KCNH1: variants seen among roughly 807,000 people sequenced by gnomAD.
KCNH1 encodes potassium voltage-gated channel subfamily H member 1, also known as voltage-gated delayed rectifier potassium channel KCNH1.
A neutral mutation model predicts 69.2 loss-of-function variants in KCNH1; 27 were observed. The observed-to-expected ratio is 0.39, with a 90% CI of 0.29 to 0.54. The LOEUF (loss-of-function observed/expected upper bound fraction) is 0.54, where lower values mean the gene tolerates loss of function less well. KCNH1 is among the 20% of genes least tolerant of loss of function. The probability of loss-of-function intolerance (pLI) is 0.68; values close to 1 mark genes in which losing one functional copy is unlikely to be tolerated. For synonymous variants in KCNH1, 456 were observed against 487.7 expected (o/e 0.93, Z 0.86); for missense variants, 798 against 1,261.6 (o/e 0.63, Z 5.57).
chr1:210,886,810 A>G (rs1686619141), intron 7 of KCNH1, among the ~76,000 whole-genome samples: 1 of 152,146 alleles, frequency 6.6e-6, no homozygotes, highest in South Asian at 2.1e-4. Context: ...ATTGAAGATC[A>G]ACTTAATGAA....
intron 7 of KCNH1, among the ~76,000 whole-genome samples, chr1:210,816,805 A>G (rs945612489): frequency 3.3e-5 from 5 of 152,232 alleles, no homozygotes; most frequent in Non-Finnish European, 7.3e-5. Flanking sequence ...AGTTACAGCT[A>G]CTTTTAAGTT....
chr1:210,832,921 T>TATATATATAC (rs10693882), intron 7 of KCNH1, among the ~76,000 whole-genome samples: 37,605 of 144,112 alleles, frequency 0.26, 6,397 homozygotes, highest in East Asian at 0.42. Context: ...TATATATATA[T>TATATATATAC]ACATATAAAT....
intron 10 of KCNH1, among the ~76,000 whole-genome samples, chr1:210,748,987 T>C (rs1683223335): frequency 6.6e-6 from 1 of 152,218 alleles, no homozygotes; most frequent in Non-Finnish European, 1.5e-5. Flanking sequence ...CCCTGTCCAC[T>C]TGGCTCTGCT....
At chr1:210,791,489 C>T (rs1453866534) in intron 9 of KCNH1, among the ~76,000 whole-genome samples, 1 of 152,140 alleles carries the variant, frequency 6.6e-6, no homozygotes, top group African/African-American at 2.4e-5. Flanking sequence ...CATGCTGGTC[C>T]CTGAACATGC....
chr1:211,094,523 T>A (rs187616129), intron 3 of KCNH1, among the ~76,000 whole-genome samples: 1 of 152,318 alleles, frequency 6.6e-6, no homozygotes, highest in Non-Finnish European at 1.5e-5. Flanking sequence ...TTTAAATAGA[T>A]CATAATACAC....
intron 5 of KCNH1, among the ~76,000 whole-genome samples, chr1:211,029,334 T>TAAAAAAAAAA (rs58241322): frequency 8.6e-5 from 2 of 23,146 alleles, no homozygotes; most frequent in Non-Finnish European, 1.4e-4. Context: ...TCCTGTCACT[T>TAAAAAAAAAA]AAAAAAAAAA....
intron 7 of KCNH1, among the ~76,000 whole-genome samples, chr1:210,913,861 C>A (rs1300953341): frequency 6.6e-6 from 1 of 152,144 alleles, no homozygotes; most frequent in Admixed American, 6.5e-5. Flanking sequence ...CCCAGTGTGG[C>A]TAGGTTACCA....
chr1:211,058,967 T>C (rs1322800359), intron 5 of KCNH1, among the ~76,000 whole-genome samples: 1 of 152,140 alleles, frequency 6.6e-6, no homozygotes, highest in East Asian at 1.9e-4. Context: ...TAAATAGATT[T>C]CAAGACAAAA....
intron 10 of KCNH1, among the ~76,000 whole-genome samples, chr1:210,744,766 T>C (rs1203546047): frequency 3.9e-5 from 6 of 152,120 alleles, no homozygotes; most frequent in African/African-American, 1.2e-4. Flanking sequence ...GAACCACACA[T>C]TGAAAAATAT....
chr1:210,773,445 C>G (rs1385834657), intron 10 of KCNH1, among the ~76,000 whole-genome samples: 1 of 152,202 alleles, frequency 6.6e-6, no homozygotes, highest in African/African-American at 2.4e-5. Flanking sequence ...GCACCAAGCC[C>G]TTGCCTTCTC....
intron 6 of KCNH1, among the ~76,000 whole-genome samples, chr1:210,976,537 C>T (rs1574373337): frequency 7.0e-6 from 1 of 143,788 alleles, no homozygotes; most frequent in East Asian, 2.2e-4. Context: ...TTGCGGAAGT[C>T]AGTGTGGCGA....
In KCNH1 at chr1:210,875,574, G is replaced by A. The variant is rs563618973; in HGVS notation, c.1462+44066C>T. Reference sequence around the variant, plus strand: ...TCCCAGCACTTTGGGAGGCCAAGGCGGGCGGATCACTTGAGATCAGGAGTT... The same window carrying A: ...TCCCAGCACTTTGGGAGGCCAAGGCAGGCGGATCACTTGAGATCAGGAGTT... On this transcript the variant is annotated intron_variant, in intron 7 of 10. Coordinates refer to ENST00000271751, the MANE Select transcript of KCNH1 (RefSeq NM_172362.3). Among the ~76,000 whole-genome samples the A allele has an allele frequency of 1.6e-3, 249 of 152,206 alleles. 2 individuals carry two copies. Among genetic ancestry groups the A allele is most frequent in the Middle Eastern group, 0.01 (3 of 294 alleles).
At chr1:210,684,238 GTC>G (rs1250771447) in intron 10 of KCNH1, 100 bp from the exon 11 acceptor site, 1 of 1,275,408 alleles carries the variant, frequency 7.8e-7, no homozygotes, top group Non-Finnish European at 1.0e-6. Context: ...TCTGCTTCCA[GTC>G]CACCTGCCAC....
intron 5 of KCNH1, among the ~76,000 whole-genome samples, chr1:211,036,588 T>A (rs1689902856): frequency 6.6e-6 from 1 of 152,154 alleles, no homozygotes; most frequent in Non-Finnish European, 1.5e-5. Flanking sequence ...TGAGTCACAA[T>A]GCATAGGATA....
chr1:210,755,555 T>C (rs1683381211), intron 10 of KCNH1, among the ~76,000 whole-genome samples: 1 of 152,250 alleles, frequency 6.6e-6, no homozygotes, highest in Non-Finnish European at 1.5e-5. Context: ...ATGCAAGCCC[T>C]TCCCTGGGTT....
intron 1 of KCNH1, among the ~76,000 whole-genome samples, chr1:211,108,880 A>C (rs1343232714): frequency 6.6e-6 from 1 of 152,208 alleles, no homozygotes; most frequent in Non-Finnish European, 1.5e-5. Flanking sequence ...AACAGGTGCC[A>C]AGCACAATGC....
At chr1:210,911,299 A>G (rs1280411723) in intron 7 of KCNH1, among the ~76,000 whole-genome samples, 1 of 152,112 alleles carries the variant, frequency 6.6e-6, no homozygotes, top group Non-Finnish European at 1.5e-5. Context: ...TGTGCCCATA[A>G]CAAGCTGTCC....
Position 211,094,549 on chromosome 1 carries a change from C to A in KCNH1, c.311-3859G>T, listed in dbSNP as rs1248573594. Among the ~76,000 whole-genome samples the A allele has an allele frequency of 3.3e-5, 5 of 152,334 alleles. No homozygotes were observed. The East Asian group carries it at 7.7e-4, about 23-fold the overall frequency. On this transcript the variant is annotated intron_variant, in intron 3 of 10. Coordinates refer to ENST00000271751, the MANE Select transcript of KCNH1 (RefSeq NM_172362.3). ...CATAATACACTCCAAGGGCAAGAGA[C>A]CTGATCTACTTTCTCTGTCTTACCA...
chr1:210,885,495 A>G (rs1377549015), intron 7 of KCNH1, among the ~76,000 whole-genome samples: 1 of 147,618 alleles, frequency 6.8e-6, no homozygotes, highest in Non-Finnish European at 1.5e-5. Flanking sequence ...TTTGGGCAGG[A>G]GTTTTTTTTT....
Sources: allele counts gnomAD v4.1 joint callset (sites outside exome capture counted in the v4.1 genomes callset), GRCh38; gene constraint gnomAD v4.1.1; transcripts MANE v1.5; gene names NCBI Gene and HGNC (gene_info 2026-07-23, HGNC 2026-07-21).